SYMPK: variants seen among roughly 807,000 people sequenced by gnomAD.
SYMPK encodes symplekin scaffold protein, also known as symplekin.
Under a neutral mutation model 136.4 loss-of-function variants are expected in SYMPK, and 49 were observed. The ratio of observed to expected loss-of-function variants is 0.36; its 90% confidence interval spans 0.29 to 0.46. The LOEUF (loss-of-function observed/expected upper bound fraction) is 0.46. Among genes scored for constraint, SYMPK ranks in the 20% least tolerant of loss-of-function variants. The pLI is 1.00. For missense variants in SYMPK, 1,365 were observed against 1,690.0 expected (o/e 0.81, Z 3.37); for synonymous variants, 766 against 713.0 (o/e 1.07, Z -1.19).
At chr19:45,838,748 G>C in intron 9 of SYMPK, 133 bp from the exon 10 acceptor site, 1 of 1,028,272 alleles carries the variant, frequency 9.7e-7, no homozygotes. Context: ...TGAAGATCCA[G>C]GCTGCAGCTC....
chr19:45,840,158 C>A (rs1215452062), intron 9 of SYMPK, among the ~76,000 whole-genome samples: 1 of 149,620 alleles, frequency 6.7e-6, no homozygotes, highest in Admixed American at 6.7e-5. Flanking sequence ...ACTAAAAATG[C>A]AAAAAAATTG....
Position 45,829,211 on chromosome 19 carries a change from G to C in SYMPK, c.1750-6C>G. The C allele has an allele frequency of 6.2e-7, 1 of 1,610,906 alleles. No individual in the cohort carries two copies. The highest frequency in any genetic ancestry group is 8.5e-7 in the Non-Finnish European group (1 of 1,177,332). ...GCCAGGATCTTTATGCGGACCTGGT[G>C]GGAGGGTGAGCCAGCATGTCAGTGT... is the stretch of plus-strand genomic sequence containing the variant. On this transcript the variant is annotated splice_polypyrimidine_tract_variant and splice_region_variant and intron_variant, in intron 13 of 26. Transcript: ENST00000245934.
intron 23 of SYMPK, 78 bp from the exon 24 acceptor site, chr19:45,817,052 TG>T: frequency 1.4e-6 from 2 of 1,422,538 alleles, no homozygotes; most frequent in Non-Finnish European, 1.9e-6. Flanking sequence ...AGAAAGACCT[TG>T]CCAAGACCAT....
intron 22 of SYMPK, among the ~76,000 whole-genome samples, chr19:45,818,480 C>T (rs1231273878): frequency 6.6e-6 from 1 of 152,112 alleles, no homozygotes; most frequent in Non-Finnish European, 1.5e-5. Flanking sequence ...GGGCCCCCCA[C>T]CCCTGCTAGG....
At chr19:45,828,082 A>G in intron 14 of SYMPK, 164 bp from the exon 15 acceptor site, 1 of 611,056 alleles carries the variant, frequency 1.6e-6, no homozygotes, top group East Asian at 2.8e-5. Context: ...AGGGTTCAAA[A>G]GCTGGCGGCT....
Position 45,815,932 on chromosome 19 carries a change from G to A in SYMPK, c.3606C>T (p.Gly1202=), listed in dbSNP as rs1202872248. 6.2e-7 allele frequency: 1 copy of A among 1,611,908 alleles called. No individual in the cohort carries two copies. Among genetic ancestry groups the A allele is most frequent in the Non-Finnish European group, 8.5e-7 (1 of 1,179,770 alleles). Residue 1202 remains glycine, a synonymous_variant, in exon 26 of 27, where the codon GGC becomes GGT. Coordinates refer to ENST00000245934, the MANE Select transcript of SYMPK (RefSeq NM_004819.3). ...AGTCGTCATCCATGCTGATGAAGATGCCCGGGGTCTCGCACTCAGGCCCCT... is the reference window on the plus strand; with the variant it reads ...AGTCGTCATCCATGCTGATGAAGATACCCGGGGTCTCGCACTCAGGCCCCT... ...REEGPECETP[G]IFISMDDDSG... is the part of the protein sequence containing the mutation.
chr19:45,833,632 G>C (rs772651798), intron 11 of SYMPK, among the ~76,000 whole-genome samples: 2 of 152,126 alleles, frequency 1.3e-5, no homozygotes, highest in Non-Finnish European at 2.9e-5. Flanking sequence ...AAAAAATAAA[G>C]AATAGGTAAA....
rs747034073 is a variant in SYMPK, at chr19:45,831,401, G to C, written c.1581C>G (p.Ile527Met). Residue 527 changes from isoleucine to methionine, a missense_variant, in exon 12 of 27, where the codon ATC (isoleucine) becomes ATG (methionine). This residue lies in a region of SYMPK where 303 missense variants were observed against 326.6 expected (regional missense o/e 0.93). Coordinates refer to ENST00000245934, the MANE Select transcript of SYMPK (RefSeq NM_004819.3). ...GGACTCACCGGGGCTGAGTGACAGG[G>C]ATAATGGGCTCTGGCCTCCTCTTGG... ...PQAKRRPEPI[I>M]PVTQPRLAGA... The C allele has an allele frequency of 6.3e-7, 1 of 1,581,258 alleles. No homozygotes were observed. The highest frequency in any genetic ancestry group is 8.6e-7 in the Non-Finnish European group (1 of 1,162,898).
chr19:45,828,902 G>A (rs1971106655), intron 14 of SYMPK, 68 bp downstream of exon 14: 7 of 1,506,840 alleles, frequency 4.6e-6, no homozygotes, highest in Admixed American at 1.7e-5. Context: ...GTCGCAATCA[G>A]AAAGGGAGGG....
In SYMPK at chr19:45,826,441, G is replaced by A; in HGVS notation, c.2182-68C>T. The A allele has an allele frequency of 1.9e-6, 3 of 1,540,970 alleles. No individual in the cohort carries two copies. The East Asian group carries it at 6.8e-5, about 35-fold the overall frequency. On this transcript the variant is annotated intron_variant, in intron 16 of 26. Coordinates refer to ENST00000245934, the MANE Select transcript of SYMPK (RefSeq NM_004819.3). ...AGAGGAAGAACAGCTATTCCTGCGA[G>A]CATGGCAACACTCACGTGAAAACAA...
Position 45,849,993 on chromosome 19 carries a change from C to T in SYMPK, c.300-1117G>A, listed in dbSNP as rs150745576. The stretch of plus-strand genomic sequence containing the variant: ...CTGTGTGGTGGAGGTTGCAGTTAGC[C>T]GAGATCGCACCATTGCACTCCAGCC... On this transcript the variant is annotated intron_variant, in intron 5 of 26. Transcript: ENST00000245934. Among the ~76,000 whole-genome samples, 17 of 152,074 alleles carry T rather than the reference C, an allele frequency of 1.1e-4. No homozygotes were observed. The East Asian group carries it at 1.7e-3, about 16-fold the overall frequency.
chr19:45,862,009 T>G (rs1971978516), intron 1 of SYMPK: 1 of 147,888 alleles, frequency 6.8e-6, no homozygotes, highest in Admixed American at 6.8e-5. Flanking sequence ...CGTGCCAGCC[T>G]GGGCGACAGA....
chr19:45,820,355 G>A (rs955136162), intron 22 of SYMPK: 9 of 152,240 alleles, frequency 5.9e-5, no homozygotes, highest in African/African-American at 2.2e-4. Context: ...GAGAGGCCTT[G>A]GTGCCTCCTG....
intron 14 of SYMPK, chr19:45,828,399 A>C (rs963429582): frequency 5.5e-6 from 1 of 183,392 alleles, no homozygotes; most frequent in African/African-American, 2.4e-5. Context: ...CAATGTGGCT[A>C]ATGTTCGGGG....
chr19:45,828,836 G>C (rs1210019509), intron 14 of SYMPK, 134 bp downstream of exon 14: 3 of 819,016 alleles, frequency 3.7e-6, no homozygotes, highest in Non-Finnish European at 5.9e-6. Flanking sequence ...AGGAGGAGAG[G>C]AGACTTGGGA....
chr19:45,817,146 C>T, intron 23 of SYMPK, 172 bp from the exon 24 acceptor site: 1 of 642,364 alleles, frequency 1.6e-6, no homozygotes, highest in Non-Finnish European at 2.5e-6. Flanking sequence ...TCTTCCCGAT[C>T]CAGGCGGCTG....
At chr19:45,853,129 G>T (rs1483721976) in intron 3 of SYMPK, among the ~76,000 whole-genome samples, 1 of 152,160 alleles carries the variant, frequency 6.6e-6, no homozygotes. Context: ...GACCACCCAT[G>T]GGGGAGGCAC....
chr19:45,847,099 C>T (rs1971580814), intron 7 of SYMPK, among the ~76,000 whole-genome samples: 1 of 151,916 alleles, frequency 6.6e-6, no homozygotes, highest in African/African-American at 2.4e-5. Flanking sequence ...TGGCCTATGT[C>T]CTACTTTTAT....
chr19:45,827,488 AG>A, intron 16 of SYMPK, 21 bp downstream of exon 16: 1 of 1,589,108 alleles, frequency 6.3e-7, no homozygotes, highest in Non-Finnish European at 8.6e-7. Flanking sequence ...GAGGGCAGCC[AG>A]GAAGTGGAGG....
Sources: gnomAD v4.1 joint callset for allele counts (sites outside exome capture counted in the v4.1 genomes callset) on GRCh38, gnomAD v4.1.1 for gene constraint, gnomAD v4.1.1 regional missense constraint, MANE v1.5 for transcripts, NCBI Gene and HGNC (gene_info 2026-07-23, HGNC 2026-07-21) for gene names.